ST8SIA1: variants seen among roughly 807,000 people sequenced by gnomAD.
The protein encoded by ST8SIA1 is ST8 alpha-N-acetyl-neuraminide alpha-2,8-sialyltransferase 1.
In ST8SIA1, 16 loss-of-function variants were observed where a neutral mutation model predicts 35.9. That is an observed-to-expected ratio of 0.45 (90% CI 0.30 to 0.68). ST8SIA1 has a LOEUF of 0.68. Ranked by LOEUF, ST8SIA1 falls within the 30% of genes least tolerant of loss-of-function variation. ST8SIA1 has a pLI of 0.09. For missense variants in ST8SIA1, 383 were observed against 453.6 expected (o/e 0.84, Z 1.41); for synonymous variants, 170 against 169.6 (o/e 1.00, Z -0.02).
chr12:22,210,465 C>T (rs1372882223), intron 4 of ST8SIA1, among the ~76,000 whole-genome samples: 1 of 152,114 alleles, frequency 6.6e-6, no homozygotes, highest in African/African-American at 2.4e-5. Flanking sequence ...TTTTCCCCCA[C>T]ACATCAAACA....
At chr12:22,302,332 A>G (rs1591849729) in intron 1 of ST8SIA1, among the ~76,000 whole-genome samples, 1 of 152,228 alleles carries the variant, frequency 6.6e-6, no homozygotes, top group Admixed American at 6.5e-5. Context: ...GACAACTTAA[A>G]TAAACTTCAG....
At chr12:22,304,353 TTTG>T (rs1432927023) in intron 1 of ST8SIA1, among the ~76,000 whole-genome samples, 82 of 130,348 alleles carry the variant, frequency 6.3e-4, no homozygotes, top group African/African-American at 2.1e-3. Context: ...TTTTTTTTTT[TTTG>T]AGCAAAAGTT....
chr12:22,317,480 C>T (rs984965475), intron 1 of ST8SIA1, among the ~76,000 whole-genome samples: 10 of 152,166 alleles, frequency 6.6e-5, no homozygotes, highest in Admixed American at 4.6e-4. Context: ...CTGCGGTCAT[C>T]GGAAGCTAAA....
intron 2 of ST8SIA1, among the ~76,000 whole-genome samples, chr12:22,258,424 A>C (rs1489298940): frequency 6.6e-6 from 1 of 151,960 alleles, no homozygotes; most frequent in Non-Finnish European, 1.5e-5. Flanking sequence ...AGGAGACTGG[A>C]TGGTGAATGA....
rs369014784 is a variant in ST8SIA1 at position 22,321,481 on chromosome 12, G to A, written c.236+12516C>T. On this transcript the variant is annotated intron_variant, in intron 1 of 4. Transcript: ENST00000396037. ...AGGGTGGAGTGGGCTCCACCTCAGC[G>A]ATTGCTCTTCTTGCCTTCTGCCGCA... Among the ~76,000 whole-genome samples, 61 of 152,334 alleles carry A rather than the reference G, an allele frequency of 4.0e-4. 1 individual carries two copies. The East Asian group carries it at 5.2e-3, about 13-fold the overall frequency.
intron 1 of ST8SIA1, among the ~76,000 whole-genome samples, chr12:22,301,586 A>G (rs954000375): frequency 2.0e-5 from 3 of 152,224 alleles, no homozygotes; most frequent in Non-Finnish European, 4.4e-5. Context: ...GCATAAGTTC[A>G]ATAAGAATAT....
chr12:22,281,782 A>G (rs1422092402), intron 2 of ST8SIA1, among the ~76,000 whole-genome samples: 1 of 149,904 alleles, frequency 6.7e-6, no homozygotes, highest in African/African-American at 2.5e-5. Flanking sequence ...CAGCATTCCT[A>G]GACCAGCCTG....
At chr12:22,211,092 T>C (rs537212597) in intron 4 of ST8SIA1, among the ~76,000 whole-genome samples, 1 of 152,324 alleles carries the variant, frequency 6.6e-6, no homozygotes, top group Admixed American at 6.5e-5. Flanking sequence ...TCAATTAAAC[T>C]CTGTTAAATT....
intron 1 of ST8SIA1, among the ~76,000 whole-genome samples, chr12:22,328,515 T>C (rs1362665740): frequency 6.6e-6 from 1 of 152,200 alleles, no homozygotes; most frequent in East Asian, 1.9e-4. Flanking sequence ...ATTTTCTGTC[T>C]CTCATCATTA....
chr12:22,245,615 G>A (rs1865591291), intron 4 of ST8SIA1, among the ~76,000 whole-genome samples: 1 of 152,108 alleles, frequency 6.6e-6, no homozygotes, highest in South Asian at 2.1e-4. Flanking sequence ...TTTGATCTTC[G>A]ACTTCGTAAC....
At chr12:22,258,236 G>A (rs567690836) in intron 2 of ST8SIA1, among the ~76,000 whole-genome samples, 1 of 152,242 alleles carries the variant, frequency 6.6e-6, no homozygotes, top group South Asian at 2.1e-4. Context: ...ACTACAGGAG[G>A]AGCAGGTTTC....
In ST8SIA1 at chr12:22,334,563, T is replaced by C. The variant is rs927767926; in HGVS notation, c.-331A>G. The C allele has an allele frequency of 1.1e-5, 4 of 380,212 alleles. No individual in the cohort carries two copies. The South Asian group carries it at 1.3e-4, about 12-fold the overall frequency. 23.6% of individuals were successfully genotyped at this position (380,212 alleles called of 1,614,324 possible). On this transcript the variant is annotated 5_prime_UTR_variant, in exon 1 of 5. Coordinates refer to ENST00000396037, the MANE Select transcript of ST8SIA1 (RefSeq NM_003034.4). ...GGCGGCGAGTCGCTCCCGCCGGTTC[T>C]GCAGCATCACGGTCGCCCTCGGCGA... is the stretch of plus-strand genomic sequence containing the variant.
At chr12:22,284,414 A>G (rs1317572571) in intron 2 of ST8SIA1, among the ~76,000 whole-genome samples, 1 of 152,212 alleles carries the variant, frequency 6.6e-6, no homozygotes, top group Non-Finnish European at 1.5e-5. Flanking sequence ...CCCACTGGGA[A>G]CATAAATGAA....
At chr12:22,293,453 A>G (rs1866204543) in intron 1 of ST8SIA1, among the ~76,000 whole-genome samples, 1 of 152,202 alleles carries the variant, frequency 6.6e-6, no homozygotes, top group African/African-American at 2.4e-5. Context: ...TATCTAATGC[A>G]TTTCCTGCAG....
intron 2 of ST8SIA1, among the ~76,000 whole-genome samples, chr12:22,268,986 T>C (rs553029648): frequency 6.6e-6 from 1 of 152,312 alleles, no homozygotes; most frequent in African/African-American, 2.4e-5. Flanking sequence ...ATAGTTCAAA[T>C]GATTTTTTTT....
intron 2 of ST8SIA1, among the ~76,000 whole-genome samples, chr12:22,274,628 T>G (rs1402972499): frequency 6.6e-6 from 1 of 152,190 alleles, no homozygotes; most frequent in Non-Finnish European, 1.5e-5. Flanking sequence ...TCTTGTTATT[T>G]CAAGATTAGG....
chr12:22,286,733 T>C (rs1018206855), intron 2 of ST8SIA1, among the ~76,000 whole-genome samples: 1 of 152,148 alleles, frequency 6.6e-6, no homozygotes, highest in Non-Finnish European at 1.5e-5. Flanking sequence ...AGGGTTAACA[T>C]TCAAGAGCTC....
At chr12:22,266,316 G>A (rs1330768157) in intron 2 of ST8SIA1, among the ~76,000 whole-genome samples, 2 of 151,962 alleles carry the variant, frequency 1.3e-5, no homozygotes, top group Non-Finnish European at 2.9e-5. Flanking sequence ...TGAGTCATGA[G>A]ATTATGTATT....
At chr12:22,249,213 GTT>G (rs771983175) in intron 3 of ST8SIA1, 115 bp from the exon 4 acceptor site, 6 of 461,464 alleles carry the variant, frequency 1.3e-5, no homozygotes, top group African/African-American at 4.5e-5. Context: ...TAACTGTTTT[GTT>G]TTTTGTTTTT....
Sources: allele counts gnomAD v4.1 joint callset (sites outside exome capture counted in the v4.1 genomes callset), GRCh38; gene constraint gnomAD v4.1.1; transcripts MANE v1.5; gene names NCBI Gene and HGNC (gene_info 2026-07-23, HGNC 2026-07-21).